Variants in AMOT observed in about 807,000 individuals in gnomAD.
The protein encoded by AMOT is angiomotin.
AMOT carries 11 observed loss-of-function variants against 67.0 expected under a neutral mutation model. The observed-to-expected ratio is 0.16, with a 90% CI of 0.10 to 0.27. The LOEUF (loss-of-function observed/expected upper bound fraction) is 0.27, where lower values mean the gene tolerates loss of function less well. Ranked by LOEUF, AMOT falls within the 10% of genes least tolerant of loss-of-function variation. The probability of loss-of-function intolerance (pLI) is 1.00; values close to 1 mark genes in which losing one functional copy is unlikely to be tolerated. For missense variants in AMOT, 753 were observed against 852.0 expected, an observed-to-expected ratio of 0.88 and a Z score of 1.45; for synonymous variants, 326 against 321.4, an observed-to-expected ratio of 1.01 and a Z score of -0.15.
chrX:112,819,571 TAAATG>T (rs1356909140), intron 4 of AMOT: 1 of 158,207 alleles, frequency 6.3e-6, no homozygotes, highest in African/African-American at 3.1e-5. Flanking sequence ...AAGCAGTTGA[TAAATG>T]TATAAACCCA....
chrX:112,779,948 T>A (rs1367968917), intron 12 of AMOT, among the ~76,000 whole-genome samples: 1 of 110,995 alleles, frequency 9.0e-6, no homozygotes, highest in East Asian at 2.8e-4. Flanking sequence ...ACTTCGAGGA[T>A]CCCTTCTGGT....
At chrX:112,784,215 C>T (rs906624723) in intron 10 of AMOT, among the ~76,000 whole-genome samples, 1 of 112,000 alleles carries the variant, frequency 8.9e-6, no homozygotes, top group Non-Finnish European at 1.9e-5. Flanking sequence ...CAAGAAGAAG[C>T]AGCATTTGCA....
At chrX:112,829,197 T>C (rs1450009348) in intron 2 of AMOT, among the ~76,000 whole-genome samples, 1 of 111,506 alleles carries the variant, frequency 9.0e-6, no homozygotes, top group Non-Finnish European at 1.9e-5. Flanking sequence ...CTCTATGATA[T>C]AGTTTGGATG....
In AMOT at chrX:112,778,475, C is replaced by A. The variant is rs1421085126; in HGVS notation, c.*92G>T. 6 of 861,210 alleles carry A rather than the reference C, an allele frequency of 7.0e-6. No homozygotes were observed. The highest frequency in any genetic ancestry group is 9.9e-6 in the Non-Finnish European group (6 of 603,866). 71.0% of individuals were successfully genotyped at this position (861,210 alleles called of 1,213,427 possible). On this transcript the variant is annotated 3_prime_UTR_variant, in exon 14 of 14. Transcript: ENST00000371959. The stretch of plus-strand genomic sequence containing the variant: ...TTAAAAAACATCCCCTCCCCACAAC[C>A]CTTGTCCTCACCCTCAAAACAAGAA...
At chrX:112,811,176 C>A in intron 6 of AMOT, 73 bp downstream of exon 6, 1 of 1,169,681 alleles carries the variant, frequency 8.5e-7, no homozygotes, top group Non-Finnish European at 1.2e-6. Flanking sequence ...CTAGTTGGAT[C>A]CTGCTCAGCC....
chrX:112,788,687 T>C (rs907990166), intron 10 of AMOT, among the ~76,000 whole-genome samples: 2 of 111,888 alleles, frequency 1.8e-5, no homozygotes, highest in Admixed American at 9.5e-5. Flanking sequence ...CTCCTGTGGA[T>C]TGGATTAGTA....
chrX:112,819,052 G>A (rs747642079), intron 4 of AMOT, among the ~76,000 whole-genome samples: 3 of 110,891 alleles, frequency 2.7e-5, no homozygotes, highest in Admixed American at 1.9e-4. Flanking sequence ...CCCCAAAGCT[G>A]GGAAGTGGGG....
In AMOT at chrX:112,779,537, T is replaced by C. The variant is rs1933062330; in HGVS notation, c.2617A>G (p.Asn873Asp). 1 of 1,211,138 alleles carries C rather than the reference T, an allele frequency of 8.3e-7. No homozygotes were observed. Among genetic ancestry groups the C allele is most frequent in the Non-Finnish European group, 1.1e-6 (1 of 895,403 alleles). ...ATGGGAGCAACAGCTGCAGTTTTGT[T>C]CGATTCCGTCCCACGTTCAGTTTGG... is the stretch of plus-strand genomic sequence containing the variant. ...STQTERGTES[N>D]KTAAVAPISV... The change falls in exon 13 of 14, where the codon AAC (asparagine) becomes GAC (aspartate). Residue 873 changes from asparagine (N) to aspartate (D), a missense_variant. Around this residue, in one of 5 missense-constraint regions of AMOT, gnomAD observed 269 missense variants for 300.9 expected, o/e 0.89. Transcript: ENST00000371959.
chrX:112,783,774 A>AT (rs756862782), intron 10 of AMOT, among the ~76,000 whole-genome samples: 1 of 110,194 alleles, frequency 9.1e-6, no homozygotes, highest in African/African-American at 3.3e-5. Flanking sequence ...ATGCAATTAT[A>AT]TTGGTCTTCA....
intron 8 of AMOT, among the ~76,000 whole-genome samples, chrX:112,798,647 C>T (rs2147795161): frequency 8.9e-6 from 1 of 112,306 alleles, no homozygotes; most frequent in South Asian, 3.7e-4. Flanking sequence ...AGCTTATCTA[C>T]AACACTGCAA....
chrX:112,828,313 C>T (rs1934894171), intron 2 of AMOT, among the ~76,000 whole-genome samples: 1 of 106,017 alleles, frequency 9.4e-6, no homozygotes, highest in Admixed American at 1.1e-4. Context: ...TACTAACAGA[C>T]CTTGTACATG....
At chrX:112,836,150 G>T (rs1935125767) in intron 1 of AMOT, among the ~76,000 whole-genome samples, 1 of 111,687 alleles carries the variant, frequency 9.0e-6, no homozygotes. Flanking sequence ...TTCTCATTCT[G>T]GAGATTTCAT....
intron 1 of AMOT, among the ~76,000 whole-genome samples, chrX:112,834,495 C>T (rs1935084941): frequency 9.0e-6 from 1 of 111,673 alleles, no homozygotes; most frequent in African/African-American, 3.3e-5. Flanking sequence ...GGAGACTCTC[C>T]ACCAAATCCA....
rs976018020 is a variant in AMOT, at chrX:112,777,435, G to T, written c.*1132C>A. ...TACTGCTGCAATCCACCTCTCCCCC[G>T]ACTGCAGCATAGTACTTTGGGTTTC... On this transcript the variant is annotated 3_prime_UTR_variant, in exon 14 of 14. Coordinates refer to ENST00000371959, the MANE Select transcript of AMOT (RefSeq NM_001113490.2). 8.9e-6 allele frequency: 1 copy of T among 112,090 alleles called. No individual in the cohort carries two copies. Among genetic ancestry groups the T allele is most frequent in the Non-Finnish European group, 1.9e-5 (1 of 53,258 alleles). 9.2% of individuals were successfully genotyped at this position (112,090 alleles called of 1,213,427 possible).
At chrX:112,833,118 G>A (rs1370982141) in intron 1 of AMOT, among the ~76,000 whole-genome samples, 1 of 111,625 alleles carries the variant, frequency 9.0e-6, no homozygotes, top group African/African-American at 3.3e-5. Flanking sequence ...CACCTACACC[G>A]TGGGCACAGC....
At chrX:112,806,129 G>C (rs1017986461) in intron 7 of AMOT, among the ~76,000 whole-genome samples, 1 of 108,525 alleles carries the variant, frequency 9.2e-6, no homozygotes, top group African/African-American at 3.4e-5. Flanking sequence ...AGCTGGGCGT[G>C]GTGGCACACG....
At chrX:112,823,639 C>T (rs1480808379) in intron 3 of AMOT, among the ~76,000 whole-genome samples, 1 of 111,915 alleles carries the variant, frequency 8.9e-6, no homozygotes, top group Non-Finnish European at 1.9e-5. Flanking sequence ...CATATGAAGG[C>T]AGCTACAAAA....
intron 4 of AMOT, among the ~76,000 whole-genome samples, chrX:112,817,226 G>A (rs993509886): frequency 3.1e-4 from 35 of 112,088 alleles, no homozygotes; most frequent in African/African-American, 1.1e-3. Flanking sequence ...ATCTGCATGA[G>A]CCCATTTTAT....
At chrX:112,811,420 G>A in intron 5 of AMOT, 27 bp from the exon 6 acceptor site, 1 of 1,194,720 alleles carries the variant, frequency 8.4e-7, no homozygotes, top group South Asian at 1.8e-5. Flanking sequence ...GACAATGGTG[G>A]TGATGGTAGG....
Sources: gnomAD v4.1 joint callset for allele counts (sites outside exome capture counted in the v4.1 genomes callset) on GRCh38, gnomAD v4.1.1 for gene constraint, gnomAD v4.1.1 regional missense constraint, MANE v1.5 for transcripts, NCBI Gene and HGNC (gene_info 2026-07-23, HGNC 2026-07-21) for gene names.